DSPP: variants seen among roughly 807,000 people sequenced by gnomAD.
DSPP encodes deafness, autosomal dominant 39.
DSPP carries 28 observed loss-of-function variants against 29.1 expected under a neutral mutation model. The observed-to-expected ratio is 0.96, with a 90% CI of 0.71 to 1.32. DSPP has a LOEUF of 1.32. DSPP is among the 40% of genes most tolerant of loss of function. The pLI is 0.00. For missense variants in DSPP, 1,281 were observed against 1,629.9 expected (o/e 0.79, Z 3.69); for synonymous variants, 481 against 503.4 (o/e 0.96, Z 0.60).
intron 1 of DSPP, among the ~76,000 whole-genome samples, chr4:87,610,429 G>A (rs1481108348): frequency 2.0e-5 from 3 of 152,150 alleles, no homozygotes; most frequent in East Asian, 1.9e-4. Context: ...TTCCACTAGC[G>A]TAGGCTCCCT....
rs1401918723 is a variant in DSPP, at chr4:87,615,079, G to T, written c.2417G>T (p.Ser806Ile). 2 of 1,548,538 alleles carry T rather than the reference G, an allele frequency of 1.3e-6. No homozygotes were observed. The highest frequency in any genetic ancestry group is 1.4e-5 in the African/African-American group (1 of 71,070). The change falls in exon 5 of 5, where the codon AGC (serine) becomes ATC (isoleucine). Residue 806 changes from serine (S) to isoleucine (I), a missense_variant. Ser to Ile is a moderately radical substitution (Grantham distance 142). Around this residue, in one of 4 missense-constraint regions of DSPP, gnomAD observed 444 missense variants for 611.4 expected, o/e 0.73. Coordinates refer to ENST00000651931, the MANE Select transcript of DSPP (RefSeq NM_014208.3). Reference protein sequence around the residue: ...DSSNSSDSSNSSDSSDSSDSS... With the variant: ...DSSNSSDSSNISDSSDSSDSS... ...AGCAACAGCAGTGATAGCAGCAACA[G>T]CAGTGATAGCAGTGATAGCAGTGAC... is the stretch of plus-strand genomic sequence containing the variant.
rs777011440 is a variant in DSPP at position 87,612,456 on chromosome 4, G to C, written c.270G>C (p.Gly90=). Residue 90 remains glycine, a synonymous_variant, in exon 4 of 5, where the codon GGG becomes GGC. Coordinates refer to ENST00000651931, the MANE Select transcript of DSPP (RefSeq NM_014208.3). ...GNGSKWAEVG[G]KSFSTYSTLA... ...GCTCTAAGTGGGCAGAAGTAGGAGG[G>C]AAGAGTTTTTCTACATATTCCACAT... The C allele has an allele frequency of 2.5e-6, 4 of 1,613,946 alleles. No individual in the cohort carries two copies. Among genetic ancestry groups the C allele is most frequent in the South Asian group, 2.2e-5 (2 of 91,042 alleles).
chr4:87,612,965 G>A lies in DSPP; in HGVS notation c.779G>A (p.Gly260Asp). The change falls in exon 4 of 5, where the codon GGT becomes GAT. Residue 260 changes from glycine (G) to aspartate (D), a missense_variant. Physicochemically the swap from Gly to Asp is moderately conservative, Grantham distance 94 (BLOSUM62 -1). Coordinates refer to ENST00000651931, the MANE Select transcript of DSPP (RefSeq NM_014208.3). ...GATGAGGATGAAGACGAGGGTTCTG[G>A]TGATGATGAAGATGAAGAAGCAGGG... Reference protein sequence around the residue: ...GADEDEDEGSGDDEDEEAGNG... With the variant: ...GADEDEDEGSDDDEDEEAGNG... 1 of 1,614,162 alleles carries A rather than the reference G, an allele frequency of 6.2e-7. No individual in the cohort carries two copies. Among genetic ancestry groups the A allele is most frequent in the Non-Finnish European group, 8.5e-7 (1 of 1,180,034 alleles).
chr4:87,613,859 A>G lies in DSPP; in HGVS notation c.1197A>G (p.Lys399=), dbSNP rs756529530. 13 of 1,614,104 alleles carry G rather than the reference A, an allele frequency of 8.1e-6. No individual in the cohort carries two copies. Among genetic ancestry groups the G allele is most frequent in the Non-Finnish European group, 1.1e-5 (13 of 1,180,044 alleles). The change falls in exon 5 of 5, where the codon AAA becomes AAG. Residue 399 remains lysine, a synonymous_variant. Transcript: ENST00000651931. ...AAGTTGGGAAAGGCAACGAAGGTAA[A>G]GAGGATAAAGGACAACATGGAATGA... ...TKEVGKGNEG[K]EDKGQHGMIL... is the part of the protein sequence containing the mutation.
At chr4:87,611,090 T>C in intron 2 of DSPP, 131 bp downstream of exon 2, 2 of 893,616 alleles carry the variant, frequency 2.2e-6, no homozygotes, top group Non-Finnish European at 3.6e-6. Flanking sequence ...TATATGTGTG[T>C]GTGTATATAT....
In DSPP at chr4:87,616,499, C is replaced by G; in HGVS notation, c.3837C>G (p.Asn1279Lys). 6.4e-7 allele frequency: 1 copy of G among 1,551,730 alleles called. No homozygotes were observed. The highest frequency in any genetic ancestry group is 2.4e-5 in the East Asian group (1 of 40,932). Reference sequence around the variant, plus strand: ...GCCAGAGCAAGTCTGGTAACGGTAACAACAATGGAAGTGACAGTGACAGTG... The same window carrying G: ...GCCAGAGCAAGTCTGGTAACGGTAAGAACAATGGAAGTGACAGTGACAGTG... ...SDSQSKSGNG[N>K]NNGSDSDSDS... The change falls in exon 5 of 5, where the codon AAC becomes AAG. Residue 1279 changes from asparagine to lysine, a missense_variant. Transcript: ENST00000651931.
chr4:87,610,869 T>C lies in DSPP; in HGVS notation c.-28-12T>C. The stretch of plus-strand genomic sequence containing the variant: ...TTTATAAGTAATTTTGTGCTGTTCC[T>C]TTTTTATACAGCCATTGATTATTAT... On this transcript the variant is annotated splice_polypyrimidine_tract_variant and intron_variant, in intron 1 of 4. Transcript: ENST00000651931. 6.4e-7 allele frequency: 1 copy of C among 1,561,472 alleles called. No homozygotes were observed. Among genetic ancestry groups the C allele is most frequent in the Non-Finnish European group, 8.8e-7 (1 of 1,132,226 alleles).
intron 1 of DSPP, among the ~76,000 whole-genome samples, chr4:87,610,359 C>T (rs1194905720): frequency 2.0e-5 from 3 of 152,120 alleles, no homozygotes; most frequent in Non-Finnish European, 4.4e-5. Flanking sequence ...CTCAAGCTTA[C>T]ACAGCAAGTA....
chr4:87,612,460 A>G lies in DSPP; in HGVS notation c.274A>G (p.Ser92Gly). ...GSKWAEVGGK[S>G]FSTYSTLANE... ...TAAGTGGGCAGAAGTAGGAGGGAAG[A>G]GTTTTTCTACATATTCCACATTAGC... Residue 92 changes from serine to glycine, a missense_variant, in exon 4 of 5, where the codon AGT becomes GGT. Ser to Gly is a moderately conservative substitution (Grantham distance 56, BLOSUM62 0). Transcript: ENST00000651931. 6.2e-7 allele frequency: 1 copy of G among 1,613,998 alleles called. No homozygotes were observed.
chr4:87,610,668 G>A (rs921900377), intron 1 of DSPP, among the ~76,000 whole-genome samples: 3 of 152,134 alleles, frequency 2.0e-5, no homozygotes. Flanking sequence ...CATTGGCACA[G>A]GCAGAAAAAA....
At chr4:87,611,086 T>TAC (rs879503405) in intron 2 of DSPP, 127 bp downstream of exon 2, 44 of 926,480 alleles carry the variant, frequency 4.7e-5, no homozygotes, top group Admixed American at 7.4e-5. Context: ...TGTATATATG[T>TAC]GTGTGTGTAT....
At position 87,610,442 on chromosome 4, in the gene DSPP, T is replaced by C. The variant is rs72868617; in HGVS notation, c.-28-439T>C. 2.8e-3 allele frequency among the ~76,000 whole-genome samples: 422 copies of C among 152,340 alleles called. 4 individuals carry two copies. The highest frequency in any genetic ancestry group is 9.8e-3 in the African/African-American group (406 of 41,574). On this transcript the variant is annotated intron_variant, in intron 1 of 4. Coordinates refer to ENST00000651931, the MANE Select transcript of DSPP (RefSeq NM_014208.3). ...CTTTCCACTAGCGTAGGCTCCCTCA[T>C]GTTAGTAATTTCTTTCTCTTAAAGT...
chr4:87,616,712 A>T lies in DSPP; in HGVS notation c.*144A>T. On this transcript the variant is annotated 3_prime_UTR_variant, in exon 5 of 5. Coordinates refer to ENST00000651931, the MANE Select transcript of DSPP (RefSeq NM_014208.3). ...AACAACTGGGGGAATCAAATCAAACAGTTGGATTCAGAACCAAGACCTAAC... is the reference window on the plus strand; with the variant it reads ...AACAACTGGGGGAATCAAATCAAACTGTTGGATTCAGAACCAAGACCTAAC... 1 of 1,387,184 alleles carries T rather than the reference A, an allele frequency of 7.2e-7. No individual in the cohort carries two copies. Among genetic ancestry groups the T allele is most frequent in the Non-Finnish European group, 9.9e-7 (1 of 1,015,014 alleles). The allele number at this position is 1,387,184 out of a possible 1,614,324, so 85.9% of individuals were successfully genotyped here. A position where few individuals can be genotyped will look rare whatever the true frequency, so the allele number is the denominator to read the frequency against.
At chr4:87,609,018 T>C (rs1305295192) in intron 1 of DSPP, among the ~76,000 whole-genome samples, 3 of 152,348 alleles carry the variant, frequency 2.0e-5, no homozygotes, top group East Asian at 1.9e-4. Flanking sequence ...TTATTTATTG[T>C]CCCACATGAA....
chr4:87,616,560 G>A lies in DSPP; in HGVS notation c.3898G>A (p.Asp1300Asn), dbSNP rs1727961604. The A allele has an allele frequency of 4.5e-6, 7 of 1,551,740 alleles. No homozygotes were observed. The highest frequency in any genetic ancestry group is 6.1e-6 in the Non-Finnish European group (7 of 1,147,002). The part of the protein sequence containing the change: ...EGSDSNHSTS[D>N]D ...CAGTGACAGTAACCACTCAACCAGT[G>A]ATGATTAGAACAAAAGAAAAACCCG... Residue 1300 changes from aspartate to asparagine, a missense_variant, in exon 5 of 5, where the codon GAT (aspartate) becomes AAT (asparagine). Transcript: ENST00000651931.
At position 87,614,100 on chromosome 4, in the gene DSPP, G is replaced by A. The variant is rs1489743489; in HGVS notation, c.1438G>A (p.Glu480Lys). ...ESNGNDDANS[E>K]SDNNSSSRGD... ...TAATGGCAATGATGATGCTAATTCAGAAAGTGACAATAACAGCAGTAGCCG... is the reference window on the plus strand; with the variant it reads ...TAATGGCAATGATGATGCTAATTCAAAAAGTGACAATAACAGCAGTAGCCG... The change falls in exon 5 of 5, where the codon GAA (glutamate) becomes AAA (lysine). Residue 480 changes from glutamate (E) to lysine (K), a missense_variant. By Grantham distance (56) the Glu-to-Lys change is moderately conservative (BLOSUM62 1). This residue lies in a region of DSPP where 631 missense variants were observed against 643.2 expected (regional missense o/e 0.98). Coordinates refer to ENST00000651931, the MANE Select transcript of DSPP (RefSeq NM_014208.3). 6.2e-7 allele frequency: 1 copy of A among 1,614,220 alleles called. No individual in the cohort carries two copies. Among genetic ancestry groups the A allele is most frequent in the East Asian group, 2.2e-5 (1 of 44,884 alleles).
chr4:87,611,759 C>T (rs1333398817), intron 2 of DSPP, among the ~76,000 whole-genome samples: 3 of 152,176 alleles, frequency 2.0e-5, no homozygotes, highest in Admixed American at 2.0e-4. Flanking sequence ...TGTGCTAGTG[C>T]AAGAGGCTTT....
At chr4:87,613,342 G>C in intron 4 of DSPP, 34 bp downstream of exon 4, 2 of 1,609,084 alleles carry the variant, frequency 1.2e-6, no homozygotes, top group Non-Finnish European at 8.5e-7. Flanking sequence ...TTCAATGGCA[G>C]TTTAAATTCT....
At chr4:87,611,029 T>TTGTGTGTG in intron 2 of DSPP, 70 bp downstream of exon 2, 2 of 1,031,176 alleles carry the variant, frequency 1.9e-6, no homozygotes, top group Non-Finnish European at 2.8e-6. Flanking sequence ...ATACAAAATG[T>TTGTGTGTG]AGTGTGTGTG....
Sources: allele counts gnomAD v4.1 joint callset (sites outside exome capture counted in the v4.1 genomes callset), GRCh38; gene constraint gnomAD v4.1.1; regional missense constraint gnomAD v4.1.1; transcripts MANE v1.5; gene names NCBI Gene and HGNC (gene_info 2026-07-23, HGNC 2026-07-21).